The following SLC2A11 variants were observed in gnomAD, a reference collection of about 807,000 sequenced individuals.
SLC2A11 encodes solute carrier family 2 member 11.
In SLC2A11, 43 loss-of-function variants were observed where a neutral mutation model predicts 52.1. That is an observed-to-expected ratio of 0.82 (90% confidence interval 0.65 to 1.06). SLC2A11 has a LOEUF of 1.06. Among genes scored for constraint, SLC2A11 ranks in the 50% least tolerant of loss-of-function variants. The pLI, the probability that SLC2A11 is intolerant of heterozygous loss-of-function variation, is 0.00. For missense variants in SLC2A11, 582 were observed against 654.2 expected, an observed-to-expected ratio of 0.89 and a Z score of 1.20; for synonymous variants, 261 against 277.6, an observed-to-expected ratio of 0.94 and a Z score of 0.59.
At chr22:23,858,259 C>A (rs2031928407) in intron 1 of SLC2A11, 2 of 690,494 alleles carry the variant, frequency 2.9e-6, no homozygotes, top group Non-Finnish European at 5.3e-6. Flanking sequence ...ACCCTGGCAT[C>A]CCAGCCCCCA....
Position 23,862,173 on chromosome 22 carries a change from A to G in SLC2A11, c.100A>G (p.Asn34Asp). The change falls in exon 2 of 12, where the codon AAC becomes GAC. Residue 34 changes from asparagine to aspartate, a missense_variant. Asn to Asp is a conservative substitution (Grantham distance 23, BLOSUM62 1). Transcript: ENST00000316185. The stretch of plus-strand genomic sequence containing the variant: ...TGGTGGGACTTTTCAGTTTGGCTAT[A>G]ACCTCTCTATCATCAATGCCCCGAC... ...GIGGTFQFGY[N>D]LSIINAPTLH... The G allele has an allele frequency of 1.9e-6, 3 of 1,613,816 alleles. No individual in the cohort carries two copies. The highest frequency in any genetic ancestry group is 2.5e-6 in the Non-Finnish European group (3 of 1,179,892).
chr22:23,864,472 C>T (rs2032189237), intron 2 of SLC2A11, among the ~76,000 whole-genome samples: 1 of 152,244 alleles, frequency 6.6e-6, no homozygotes, highest in East Asian at 1.9e-4. Flanking sequence ...GCGCCCACCA[C>T]CACGCCTGGC....
At chr22:23,873,328 T>TGCGTGTGTGTGTGTGTGTGTGTGTGCGC (rs1555886167) in intron 3 of SLC2A11, 1 of 146,262 alleles carries the variant, frequency 6.8e-6, no homozygotes, top group Non-Finnish European at 1.5e-5. Flanking sequence ...TGTGTGTGTG[T>TGCGTGTGTGTGTGTGTGTGTGTGTGCGC]GCACGCGTGT....
intron 1 of SLC2A11, among the ~76,000 whole-genome samples, chr22:23,861,317 A>G (rs1442819955): frequency 1.4e-4 from 7 of 51,250 alleles, no homozygotes; most frequent in Admixed American, 8.2e-4. Flanking sequence ...AAAAAAAAAG[A>G]AAATCCCAAC....
rs2146099779 is a variant in SLC2A11, at chr22:23,858,700, A to AAAAAAT, written c.30+682_30+687dup. 2.0e-5 allele frequency among the ~76,000 whole-genome samples: 3 copies of AAAAAAT among 152,330 alleles called. No homozygotes were observed. The South Asian group carries it at 6.2e-4, about 32-fold the overall frequency. On this transcript the variant is annotated intron_variant, in intron 1 of 11. Coordinates refer to ENST00000316185, the MANE Select transcript of SLC2A11 (RefSeq NM_001024939.4). The stretch of plus-strand genomic sequence containing the variant: ...GGCGACGTAGCGAGACCTTGTCTCT[A>AAAAAAT]AAAAATAAAAATAAAATAAAATAAA...
intron 2 of SLC2A11, among the ~76,000 whole-genome samples, chr22:23,863,033 A>T (rs1352414826): frequency 6.6e-6 from 1 of 152,226 alleles, no homozygotes; most frequent in Non-Finnish European, 1.5e-5. Flanking sequence ...AAGAAATTTT[A>T]AAAAGCAAGC....
At chr22:23,883,567 C>G in intron 8 of SLC2A11, 1 of 516,468 alleles carries the variant, frequency 1.9e-6, no homozygotes, top group Non-Finnish European at 3.4e-6. Flanking sequence ...CGGGTCACTT[C>G]CAGCACCATT....
In SLC2A11 at chr22:23,885,536, C is replaced by CA. The variant is rs35420058; in HGVS notation, c.*707dup. 0.54 allele frequency: 63,449 copies of CA among 118,568 alleles called. 16,975 individuals are homozygous for CA. Among genetic ancestry groups the CA allele is most frequent in the Middle Eastern group, 0.6 (137 of 228 alleles). 7.3% of individuals were successfully genotyped at this position (118,568 alleles called of 1,614,324 possible). The stretch of plus-strand genomic sequence containing the variant: ...CCACATAGTAAGATCCTGTTTCTAC[C>CA]AAAAAAAAAAAAAAAAAAAATTAGC... On this transcript the variant is annotated 3_prime_UTR_variant, in exon 12 of 12. Coordinates refer to ENST00000316185, the MANE Select transcript of SLC2A11 (RefSeq NM_001024939.4).
chr22:23,866,385 CT>C, intron 2 of SLC2A11: 3 of 166,934 alleles, frequency 1.8e-5, no homozygotes. Context: ...GGCCCAGCAC[CT>C]GAACCCGCTG....
chr22:23,883,681 C>A, intron 8 of SLC2A11, 91 bp from the exon 9 acceptor site: 1 of 1,079,086 alleles, frequency 9.3e-7, no homozygotes, highest in South Asian at 1.9e-5. Flanking sequence ...ACCTCCACCA[C>A]CAGCTTTCTC....
chr22:23,857,156 G>A (rs903441438), upstream of SLC2A11: 16 of 1,035,106 alleles, frequency 1.5e-5, no homozygotes, highest in African/African-American at 3.2e-5. Flanking sequence ...AGGGGCAGTG[G>A]CCTCCGAGGT....
chr22:23,870,093 C>G (rs1188005155), intron 3 of SLC2A11: 2 of 715,620 alleles, frequency 2.8e-6, no homozygotes, highest in African/African-American at 3.5e-5. Context: ...ATAGCACCAG[C>G]ACTGGATCAG....
At chr22:23,863,349 A>G (rs1256289086) in intron 2 of SLC2A11, among the ~76,000 whole-genome samples, 1 of 152,100 alleles carries the variant, frequency 6.6e-6, no homozygotes, top group African/African-American at 2.4e-5. Context: ...TCAGCATCTG[A>G]GTCATCTTTG....
Position 23,882,481 on chromosome 22 carries a change from C to T in SLC2A11, c.717C>T (p.Ser239=), listed in dbSNP as rs368660150. The change falls in exon 7 of 12, where the codon TCC becomes TCT. Residue 239 remains serine (S), a synonymous_variant. Transcript: ENST00000316185. ...CAGCACTACGGCGGCTCCGGGGCTCCGGGGACTTGGCAGGGGAGCTGGAGG... is the reference window on the plus strand; with the variant it reads ...CAGCACTACGGCGGCTCCGGGGCTCTGGGGACTTGGCAGGGGAGCTGGAGG... ...CLAALRRLRG[S]GDLAGELEEL... 10,160 of 1,554,424 alleles carry T rather than the reference C, an allele frequency of 6.5e-3. 62 individuals are homozygous for T. Among genetic ancestry groups the T allele is most frequent in the South Asian group, 8.0e-3 (677 of 84,752 alleles).
chr22:23,876,248 A>G (rs957458944), intron 4 of SLC2A11, among the ~76,000 whole-genome samples: 6 of 152,170 alleles, frequency 3.9e-5, no homozygotes, highest in African/African-American at 9.7e-5. Flanking sequence ...CCCACGATCC[A>G]GGGGAAAGGA....
rs757148825 is a variant in SLC2A11 at position 23,882,819 on chromosome 22, T to G, written c.943T>G (p.Tyr315Asp). Residue 315 changes from tyrosine (Y) to aspartate (D), a missense_variant, in exon 8 of 12, where the codon TAC becomes GAC. Physicochemically the swap from Tyr to Asp is radical, Grantham distance 160 (BLOSUM62 -3). Transcript: ENST00000316185. ...AGGAGTGCCGGAAGCGAAGATCCAG[T>G]ACGCGATCATCGGGACTGGGAGCTG... ...KAGVPEAKIQYAIIGTGSCEL... is the reference protein window; with the variant it reads ...KAGVPEAKIQDAIIGTGSCEL... 3 of 1,613,836 alleles carry G rather than the reference T, an allele frequency of 1.9e-6. No homozygotes were observed. In the Admixed American group the frequency reaches 5.0e-5, roughly 27 times the overall value.
rs1010828251 is a variant in SLC2A11 at position 23,882,538 on chromosome 22, C to G, written c.774C>G (p.Gly258=). The G allele has an allele frequency of 1.2e-6, 2 of 1,607,114 alleles. No homozygotes were observed. The highest frequency in any genetic ancestry group is 1.1e-5 in the South Asian group (1 of 90,178). ...AGGAGGAGCGCGCTGCCTGCCAGGG[C>G]TGCCGTGCCCGGCGCCCATGGGAGC... ...ELEEERAACQ[G]CRARRPWELF... Residue 258 remains glycine (G), a synonymous_variant, in exon 7 of 12, where the codon GGC becomes GGG. Coordinates refer to ENST00000316185, the MANE Select transcript of SLC2A11 (RefSeq NM_001024939.4).
In SLC2A11 at chr22:23,884,053, C is replaced by G; in HGVS notation, c.1171+29C>G. 1.2e-6 allele frequency: 2 copies of G among 1,605,766 alleles called. No homozygotes were observed. Among genetic ancestry groups the G allele is most frequent in the East Asian group, 4.5e-5 (2 of 44,822 alleles). Reference sequence around the variant, plus strand: ...AGTGGGCCCAAGGGGCTCTGGGCATCCATCATCACATAGAAGGAGTGATGG... The same window carrying G: ...AGTGGGCCCAAGGGGCTCTGGGCATGCATCATCACATAGAAGGAGTGATGG... On this transcript the variant is annotated intron_variant, in intron 10 of 11. Transcript: ENST00000316185. The surrounding 1 kb of genome is among the most constrained non-coding windows in gnomAD (Gnocchi z 4.3).
upstream of SLC2A11, chr22:23,857,133 C>G: frequency 8.4e-7 from 1 of 1,186,008 alleles, no homozygotes; most frequent in Non-Finnish European, 1.2e-6. Context: ...GCTTGGCCCT[C>G]CGGAGAACGC....
Sources: allele counts gnomAD v4.1 joint callset (sites outside exome capture counted in the v4.1 genomes callset), GRCh38; gene constraint gnomAD v4.1.1; non-coding constraint Gnocchi (gnomAD v3.1); transcripts MANE v1.5; gene names NCBI Gene and HGNC (gene_info 2026-07-23, HGNC 2026-07-21).